Variants in NYAP2 observed in about 807,000 individuals in gnomAD.
NYAP2 encodes neuronal tyrosine-phosphorylated phosphoinositide-3-kinase adapter 2.
In NYAP2, 23 loss-of-function variants were observed where a neutral mutation model predicts 50.4. The ratio of observed to expected loss-of-function variants is 0.46; its 90% CI spans 0.33 to 0.65. The LOEUF (loss-of-function observed/expected upper bound fraction) is 0.65, where lower values mean the gene tolerates loss of function less well. Among genes scored for constraint, NYAP2 ranks in the 30% least tolerant of loss-of-function variants. NYAP2 has a pLI of 0.02. For synonymous variants in NYAP2, 394 were observed against 365.2 expected (o/e 1.08, Z -0.90); for missense variants, 885 against 861.0 (o/e 1.03, Z -0.35).
intron 5 of NYAP2, among the ~76,000 whole-genome samples, chr2:225,593,327 T>A (rs1023179032): frequency 6.6e-6 from 1 of 152,214 alleles, no homozygotes; most frequent in African/African-American, 2.4e-5. Context: ...ATGCTAAAAC[T>A]GAGTCCCTTC....
chr2:225,546,719 TCC>T (rs930139574), intron 4 of NYAP2, among the ~76,000 whole-genome samples: 2 of 151,950 alleles, frequency 1.3e-5, no homozygotes, highest in African/African-American at 4.8e-5. Context: ...AAAGACTAAG[TCC>T]CCTTTACTTT....
chr2:225,407,701 A>T (rs10167138), intron 2 of NYAP2, among the ~76,000 whole-genome samples: 126,351 of 151,956 alleles, frequency 0.83, 53,062 homozygotes, highest in African/African-American at 0.93. Context: ...GTAAAGAAAG[A>T]AAAACATGCA....
chr2:225,496,314 A>C (rs1047769896), intron 3 of NYAP2, among the ~76,000 whole-genome samples: 5 of 152,300 alleles, frequency 3.3e-5, no homozygotes, highest in African/African-American at 1.2e-4. Flanking sequence ...AGGAAGAAAA[A>C]AAAAATATCT....
At chr2:225,653,556 C>T (rs1055187939) in exon 7 of NYAP2, 3 of 152,228 alleles carry the variant, frequency 2.0e-5, no homozygotes, top group African/African-American at 7.2e-5. Context: ...TCAAATCATA[C>T]ATGGGCTGTC....
At chr2:225,489,900 C>T (rs528213514) in intron 3 of NYAP2, among the ~76,000 whole-genome samples, 2 of 152,244 alleles carry the variant, frequency 1.3e-5, no homozygotes, top group South Asian at 2.1e-4. Context: ...CGGGGTGGAT[C>T]CAATGTATAG....
At chr2:225,638,103 G>T (rs1229699615) in intron 6 of NYAP2, among the ~76,000 whole-genome samples, 1 of 151,672 alleles carries the variant, frequency 6.6e-6, no homozygotes, top group East Asian at 2.0e-4. Context: ...ATATTAGAGA[G>T]AATTTTAAAT....
intron 6 of NYAP2, among the ~76,000 whole-genome samples, chr2:225,638,310 C>T (rs2106264308): frequency 6.6e-6 from 1 of 151,720 alleles, no homozygotes. Context: ...ATGAGAGAGA[C>T]TTTAATGGAA....
intron 5 of NYAP2, among the ~76,000 whole-genome samples, chr2:225,597,512 A>AATATTTATATATATATATATAT (rs1692623076): frequency 2.2e-5 from 1 of 46,220 alleles, no homozygotes; most frequent in Non-Finnish European, 4.8e-5. Context: ...TCCAAGGAGA[A>AATATTTATATATATATATATAT]ATATATATAT....
intron 5 of NYAP2, among the ~76,000 whole-genome samples, chr2:225,620,416 TG>T (rs1693072675): frequency 6.8e-6 from 1 of 146,656 alleles, no homozygotes; most frequent in African/African-American, 2.5e-5. Flanking sequence ...CACGCACACA[TG>T]CACGCACACG....
chr2:225,547,555 C>T (rs1319154312), intron 4 of NYAP2, among the ~76,000 whole-genome samples: 1 of 152,178 alleles, frequency 6.6e-6, no homozygotes, highest in Non-Finnish European at 1.5e-5. Flanking sequence ...TGGGCATCAG[C>T]CGAGTTTAGC....
At chr2:225,699,615 T>C in the NYAP2 span, 1 of 151,946 alleles carries the variant, frequency 6.6e-6, no homozygotes, top group African/African-American at 2.4e-5. Context: ...TATTTCTTGT[T>C]AATTTTTTCA....
At chr2:225,569,283 G>A (rs1019847267) in intron 4 of NYAP2, among the ~76,000 whole-genome samples, 2 of 152,108 alleles carry the variant, frequency 1.3e-5, no homozygotes, top group African/African-American at 4.8e-5. Context: ...CTTTCTTTTT[G>A]CAATATGATT....
the NYAP2 span, among the ~76,000 whole-genome samples, chr2:225,682,441 C>T: frequency 2.0e-5 from 3 of 152,298 alleles, no homozygotes; most frequent in Non-Finnish European, 2.9e-5. Flanking sequence ...CAATTGAACA[C>T]TTCCAGTAGC....
At chr2:225,635,376 T>C (rs1042260228) in intron 6 of NYAP2, among the ~76,000 whole-genome samples, 2 of 152,224 alleles carry the variant, frequency 1.3e-5, no homozygotes, top group African/African-American at 4.8e-5. Flanking sequence ...ACTTTCTCTA[T>C]CTTTACAGGA....
intron 3 of NYAP2, among the ~76,000 whole-genome samples, chr2:225,512,477 T>TCTTCCTCCTTC (rs1177354001): frequency 9.3e-5 from 14 of 150,886 alleles, no homozygotes; most frequent in Non-Finnish European, 1.8e-4. Context: ...CTCCCTCCTT[T>TCTTCCTCCTTC]CTTCCTCCTT....
intron 3 of NYAP2, among the ~76,000 whole-genome samples, chr2:225,417,669 C>T (rs1295086800): frequency 6.6e-6 from 1 of 152,044 alleles, no homozygotes; most frequent in Non-Finnish European, 1.5e-5. Context: ...GTATACCACT[C>T]AGCATATCCT....
intron 5 of NYAP2, among the ~76,000 whole-genome samples, chr2:225,620,653 C>G (rs1407663035): frequency 1.3e-5 from 2 of 152,172 alleles, no homozygotes; most frequent in Non-Finnish European, 2.9e-5. Flanking sequence ...TTTCTTTAAT[C>G]CTTTTGTTCA....
chr2:225,449,109 T>C (rs781427786), intron 3 of NYAP2, among the ~76,000 whole-genome samples: 15 of 152,230 alleles, frequency 9.9e-5, no homozygotes, highest in Non-Finnish European at 1.3e-4. Flanking sequence ...GAGCATCTGC[T>C]AAGTGGTAGA....
chr2:225,549,760 T>C (rs1691640043), intron 4 of NYAP2, among the ~76,000 whole-genome samples: 2 of 152,056 alleles, frequency 1.3e-5, no homozygotes, highest in Non-Finnish European at 2.9e-5. Context: ...CGTGGGTGGA[T>C]CACCTGAGGT....
Sources: allele counts gnomAD v4.1 joint callset (sites outside exome capture counted in the v4.1 genomes callset), GRCh38; gene constraint gnomAD v4.1.1; transcripts MANE v1.5; gene names NCBI Gene and HGNC (gene_info 2026-07-23, HGNC 2026-07-21).